Variants in SPECC1 observed in about 807,000 individuals in gnomAD.
SPECC1 encodes sperm antigen with calponin homology and coiled-coil domains 1.
In SPECC1, 62 loss-of-function variants were observed where a neutral mutation model predicts 104.1. That is an observed-to-expected ratio of 0.60 (90% CI 0.49 to 0.74). SPECC1 has a LOEUF of 0.74. Among genes scored for constraint, SPECC1 ranks in the 30% least tolerant of loss-of-function variants. The pLI, the probability that SPECC1 is intolerant of heterozygous loss-of-function variation, is 0.00. For missense variants in SPECC1, 1,306 were observed against 1,310.5 expected, an observed-to-expected ratio of 1.00 and a Z score of 0.05; for synonymous variants, 513 against 501.6, an observed-to-expected ratio of 1.02 and a Z score of -0.30.
At chr17:20,058,333 T>C (rs1055342200) in intron 1 of SPECC1, among the ~76,000 whole-genome samples, 5 of 152,176 alleles carry the variant, frequency 3.3e-5, no homozygotes, top group Non-Finnish European at 7.4e-5. Flanking sequence ...GTAGTGCGAC[T>C]TAAAATGTTT....
intron 1 of SPECC1, among the ~76,000 whole-genome samples, chr17:20,084,314 A>T (rs2047095415): frequency 6.6e-6 from 1 of 152,136 alleles, no homozygotes; most frequent in Non-Finnish European, 1.5e-5. Context: ...TTGTAATTCC[A>T]GCTACTCGGG....
intron 3 of SPECC1, chr17:20,156,166 G>C: frequency 7.0e-7 from 1 of 1,438,200 alleles, no homozygotes; most frequent in Non-Finnish European, 9.1e-7. Flanking sequence ...TCCGAGGCCG[G>C]CAAGCCGGCT....
In SPECC1 at chr17:20,205,683, A is replaced by G. The variant is rs749056762; in HGVS notation, c.1634A>G (p.Glu545Gly). Residue 545 changes from glutamate (E) to glycine (G), a missense_variant, in exon 4 of 15, where the codon GAA (glutamate) becomes GGA (glycine). Glu to Gly is a moderately conservative substitution (Grantham distance 98, BLOSUM62 -2). Around this residue, in one of 2 missense-constraint regions of SPECC1, gnomAD observed 1,177 missense variants for 1,139.9 expected, o/e 1.03. Transcript: ENST00000395527. ...KTLEECRVTL[E>G]GLKMENGSLK... ...TTGGAAGAGTGTAGAGTTACCTTGG[A>G]AGGGCTAAAAATGGAGAATGGATCT... 17 of 1,614,212 alleles carry G rather than the reference A, an allele frequency of 1.1e-5. No homozygotes were observed. The highest frequency in any genetic ancestry group is 1.4e-5 in the Non-Finnish European group (16 of 1,180,032).
Position 20,317,044 on chromosome 17 carries a change from C to A in SPECC1, c.*2979C>A. 6.0e-6 allele frequency: 1 copy of A among 166,790 alleles called. No homozygotes were observed. 10.3% of individuals were successfully genotyped at this position (166,790 alleles called of 1,614,324 possible). On this transcript the variant is annotated 3_prime_UTR_variant, in exon 15 of 15. Coordinates refer to ENST00000395527, the MANE Select transcript of SPECC1 (RefSeq NM_001243439.2). The stretch of plus-strand genomic sequence containing the variant: ...TTTATTTTTACAACTCCAGGAGTTT[C>A]CCCGACTACCATTTTTTTTTTTTTT...
intron 1 of SPECC1, among the ~76,000 whole-genome samples, chr17:20,062,087 T>TA (rs113246827): frequency 0.023 from 3,516 of 151,588 alleles, 138 homozygotes; most frequent in African/African-American, 0.079. Context: ...CCGTCTCTGC[T>TA]AAAAAAATAC....
chr17:20,256,113 G>A (rs1410855169), intron 10 of SPECC1, among the ~76,000 whole-genome samples: 7 of 152,092 alleles, frequency 4.6e-5, no homozygotes, highest in South Asian at 2.1e-4. Context: ...TCCTGACCTC[G>A]TAATCCACCC....
rs79300696 is a variant in SPECC1, at chr17:20,166,510, T to A, written c.284-37823T>A. On this transcript the variant is annotated intron_variant, in intron 3 of 14. Coordinates refer to ENST00000395527, the MANE Select transcript of SPECC1 (RefSeq NM_001243439.2). ...AGGAATTGAAAACTACAATTATAGATCATTTAGAAAAATAATTATGAAATA... is the reference window on the plus strand; with the variant it reads ...AGGAATTGAAAACTACAATTATAGAACATTTAGAAAAATAATTATGAAATA... 2.9e-3 allele frequency among the ~76,000 whole-genome samples: 447 copies of A among 152,292 alleles called. 19 individuals carry two copies. The East Asian group carries it at 0.083, about 28-fold the overall frequency.
At chr17:20,087,536 G>A (rs1035877587) in intron 1 of SPECC1, among the ~76,000 whole-genome samples, 6 of 152,146 alleles carry the variant, frequency 3.9e-5, no homozygotes, top group Non-Finnish European at 8.8e-5. Flanking sequence ...CACCTATTTA[G>A]TGAGTGGCTC....
At chr17:20,216,724 C>A (rs1197394859) in intron 4 of SPECC1, among the ~76,000 whole-genome samples, 1 of 152,146 alleles carries the variant, frequency 6.6e-6, no homozygotes, top group Non-Finnish European at 1.5e-5. Context: ...TAGTGCAATT[C>A]CACTGGCTCC....
intron 3 of SPECC1, among the ~76,000 whole-genome samples, chr17:20,133,232 T>C (rs74978760): frequency 0.074 from 11,255 of 152,130 alleles, 612 homozygotes; most frequent in African/African-American, 0.15. Flanking sequence ...TATTTTTTTT[T>C]CCCATTTCAC....
chr17:20,095,321 CTG>C (rs1463908100), intron 1 of SPECC1, among the ~76,000 whole-genome samples: 1 of 152,186 alleles, frequency 6.6e-6, no homozygotes, highest in Non-Finnish European at 1.5e-5. Context: ...AATTATGTAA[CTG>C]AATCATTAAT....
At chr17:20,049,984 A>T (rs1057344863) in intron 1 of SPECC1, among the ~76,000 whole-genome samples, 1 of 151,810 alleles carries the variant, frequency 6.6e-6, no homozygotes, top group African/African-American at 2.4e-5. Flanking sequence ...TGCCTGGCTA[A>T]TTTTGTATTT....
At chr17:20,208,003 A>C (rs2036895001) in intron 4 of SPECC1, among the ~76,000 whole-genome samples, 1 of 152,208 alleles carries the variant, frequency 6.6e-6, no homozygotes, top group Non-Finnish European at 1.5e-5. Flanking sequence ...CTTGGTTGAT[A>C]ATGAAAGCAT....
At chr17:20,018,658 A>G (rs575222958) in intron 1 of SPECC1, among the ~76,000 whole-genome samples, 20 of 152,310 alleles carry the variant, frequency 1.3e-4, no homozygotes, top group African/African-American at 4.6e-4. Context: ...TCACGGCTGT[A>G]ATTTATTACA....
At position 20,068,913 on chromosome 17, in the gene SPECC1, A is replaced by G. The variant is rs1279047365; in HGVS notation, c.-21-27718A>G. 1.3e-5 allele frequency among the ~76,000 whole-genome samples: 2 copies of G among 152,176 alleles called. 1 individual carries two copies. The highest frequency in any genetic ancestry group is 4.1e-4 in the South Asian group (2 of 4,834). ...TCTAGATACTAGACACTTATCATATATAGGATTTGCAAATGATTTCTCCCA... is the reference window on the plus strand; with the variant it reads ...TCTAGATACTAGACACTTATCATATGTAGGATTTGCAAATGATTTCTCCCA... On this transcript the variant is annotated intron_variant, in intron 1 of 14. Coordinates refer to ENST00000395527, the MANE Select transcript of SPECC1 (RefSeq NM_001243439.2).
At chr17:20,286,180 C>T (rs1024217106) in intron 12 of SPECC1, among the ~76,000 whole-genome samples, 106 of 152,288 alleles carry the variant, frequency 7.0e-4, no homozygotes, top group African/African-American at 2.4e-3. Flanking sequence ...CTAGAAAGCA[C>T]AGCATTCAGC....
intron 1 of SPECC1, among the ~76,000 whole-genome samples, chr17:20,069,223 T>A (rs982491495): frequency 6.6e-6 from 1 of 152,276 alleles, no homozygotes; most frequent in Non-Finnish European, 1.5e-5. Flanking sequence ...TGTTCCTGCA[T>A]TAGCTGGAGG....
At chr17:20,296,395 C>A (rs2041352270) in intron 12 of SPECC1, among the ~76,000 whole-genome samples, 1 of 152,196 alleles carries the variant, frequency 6.6e-6, no homozygotes, top group Non-Finnish European at 1.5e-5. Context: ...TGTTTTGGTA[C>A]CAGTACCATG....
chr17:20,115,421 C>G (rs1028813956), intron 3 of SPECC1, among the ~76,000 whole-genome samples: 1 of 151,696 alleles, frequency 6.6e-6, no homozygotes, highest in Non-Finnish European at 1.5e-5. Flanking sequence ...TGCAGTGAGC[C>G]GAGATCGTGC....
Sources: gnomAD v4.1 joint callset for allele counts (sites outside exome capture counted in the v4.1 genomes callset) on GRCh38, gnomAD v4.1.1 for gene constraint, gnomAD v4.1.1 regional missense constraint, MANE v1.5 for transcripts, NCBI Gene and HGNC (gene_info 2026-07-23, HGNC 2026-07-21) for gene names.